CEP295: variants seen among roughly 807,000 people sequenced by gnomAD.
CEP295 encodes centrosomal protein 295, also known as centrosomal protein of 295 kDa.
In CEP295, 190 loss-of-function variants were observed where a neutral mutation model predicts 291.6. The observed-to-expected ratio is 0.65, with a 90% CI of 0.58 to 0.73. CEP295 has a LOEUF of 0.73. CEP295 is among the 30% of genes least tolerant of loss of function. The pLI, the probability that CEP295 is intolerant of heterozygous loss-of-function variation, is 0.00. For missense variants in CEP295, 2,863 were observed against 2,949.4 expected (o/e 0.97, Z 0.68); for synonymous variants, 993 against 1,038.8 (o/e 0.96, Z 0.85).
At position 93,667,651 on chromosome 11, in the gene CEP295, C is replaced by T; in HGVS notation, c.153C>T (p.Asp51=). 1 of 1,551,248 alleles carries T rather than the reference C, an allele frequency of 6.4e-7. No homozygotes were observed. The highest frequency in any genetic ancestry group is 8.7e-7 in the Non-Finnish European group (1 of 1,146,692). ...ATATCGCCTTACAGATAAGAGAAGA[C>T]ATAAAACAGAGGAGAAATCAACAAT... ...ERDIALQIRE[D]IKQRRNQQFT... The change falls in exon 3 of 30, where the codon GAC becomes GAT. Residue 51 remains aspartate, a synonymous_variant. Coordinates refer to ENST00000325212, the MANE Select transcript of CEP295 (RefSeq NM_033395.2).
rs559238885 is a variant in CEP295, at chr11:93,675,815, T to C, written c.624+149T>C. On this transcript the variant is annotated intron_variant, in intron 6 of 29. Coordinates refer to ENST00000325212, the MANE Select transcript of CEP295 (RefSeq NM_033395.2). ...ATCAAAACCTTTTAAATGCTTTGAA[T>C]TTTCATGTCAGGCATATGATGGTTT... The C allele has an allele frequency of 6.0e-5, 32 of 531,130 alleles. 1 individual carries two copies. In the East Asian group the frequency reaches 1.0e-3, roughly 17 times the overall value. 32.9% of individuals were successfully genotyped at this position (531,130 alleles called of 1,614,324 possible).
chr11:93,675,069 G>A (rs1190787527), intron 5 of CEP295, among the ~76,000 whole-genome samples: 5 of 152,112 alleles, frequency 3.3e-5, no homozygotes, highest in African/African-American at 4.8e-5. Flanking sequence ...GTTTTGTTCT[G>A]GAGTAAGTGT....
chr11:93,669,750 C>T lies in CEP295; in HGVS notation c.508C>T (p.Pro170Ser). Residue 170 changes from proline to serine, a missense_variant, in exon 5 of 30, where the codon CCT (proline) becomes TCT (serine). This residue lies in a region of CEP295 where 554 missense variants were observed against 576.0 expected (regional missense o/e 0.96). Coordinates refer to ENST00000325212, the MANE Select transcript of CEP295 (RefSeq NM_033395.2). ...AGCCAAAATTACAAGTCTGCCACCT[C>T]CTCCTCCAACTCTTTTTGAGGTGAG... ...RSAKITSLPPPPPTLFENIEV... is the reference protein window; with the variant it reads ...RSAKITSLPPSPPTLFENIEV... 6.5e-7 allele frequency: 1 copy of T among 1,550,114 alleles called. No individual in the cohort carries two copies. Among genetic ancestry groups the T allele is most frequent in the Non-Finnish European group, 8.7e-7 (1 of 1,145,750 alleles).
At position 93,667,741 on chromosome 11, in the gene CEP295, C is replaced by T; in HGVS notation, c.243C>T (p.Asn81=). The part of the protein sequence containing the change: ...WEESQTQKIQ[N]LEKLYLASLR... ...AATCACAAACTCAGAAAATACAGAA[C>T]TTGGAAAAACTGTATTTGGCAAGTT... Residue 81 remains asparagine, a synonymous_variant, in exon 3 of 30, where the codon AAC becomes AAT. Coordinates refer to ENST00000325212, the MANE Select transcript of CEP295 (RefSeq NM_033395.2). 1 of 1,551,318 alleles carries T rather than the reference C, an allele frequency of 6.4e-7. No individual in the cohort carries two copies. The highest frequency in any genetic ancestry group is 8.7e-7 in the Non-Finnish European group (1 of 1,146,822).
At chr11:93,684,219 A>T in intron 9 of CEP295, 91 bp downstream of exon 9, 1 of 1,092,900 alleles carries the variant, frequency 9.1e-7, no homozygotes, top group Non-Finnish European at 1.3e-6. Context: ...CTGGTCTGAT[A>T]TAAGTGCAAG....
chr11:93,695,252 A>G (rs1036464789), intron 12 of CEP295, among the ~76,000 whole-genome samples: 1 of 152,158 alleles, frequency 6.6e-6, no homozygotes, highest in African/African-American at 2.4e-5. Context: ...TAGTTAATGT[A>G]TTTATTCTTT....
chr11:93,728,460 C>G, intron 24 of CEP295: 1 of 423,848 alleles, frequency 2.4e-6, no homozygotes, highest in South Asian at 3.4e-5. Context: ...CACACTATTT[C>G]ATCCCCTCCC....
In CEP295 at chr11:93,668,811, C is replaced by A; in HGVS notation, c.313C>A (p.Pro105Thr). The change falls in exon 4 of 30, where the codon CCT becomes ACT. Residue 105 changes from proline (P) to threonine (T), a missense_variant. By Grantham distance (38) the Pro-to-Thr change is conservative. Coordinates refer to ENST00000325212, the MANE Select transcript of CEP295 (RefSeq NM_033395.2). ...EGHRQAKENEPDLDALAQRAA... is the reference protein window; with the variant it reads ...EGHRQAKENETDLDALAQRAA... Reference sequence around the variant, plus strand: ...TTTAAGTAATATATATTTTTAGGAACCTGATTTGGATGCTTTGGCACAGCG... The same window carrying A: ...TTTAAGTAATATATATTTTTAGGAAACTGATTTGGATGCTTTGGCACAGCG... 1 of 1,512,516 alleles carries A rather than the reference C, an allele frequency of 6.6e-7. No homozygotes were observed. The highest frequency in any genetic ancestry group is 8.8e-7 in the Non-Finnish European group (1 of 1,131,994). 93.7% of individuals were successfully genotyped at this position (1,512,516 alleles called of 1,614,324 possible). A position where few individuals can be genotyped will look rare whatever the true frequency, so the allele number is the denominator to read the frequency against.
At chr11:93,685,539 A>G (rs1223877116) in intron 9 of CEP295, among the ~76,000 whole-genome samples, 2 of 147,660 alleles carry the variant, frequency 1.4e-5, no homozygotes, top group African/African-American at 2.7e-5. Flanking sequence ...GCAACTGGGG[A>G]AAAAAAAGCA....
At position 93,696,850 on chromosome 11, in the gene CEP295, T is replaced by G. The variant is rs542975579; in HGVS notation, c.1938T>G (p.Asp646Glu). 76 of 1,551,714 alleles carry G rather than the reference T, an allele frequency of 4.9e-5. 1 individual carries two copies. In the East Asian group the frequency reaches 1.8e-3, roughly 36 times the overall value. ...CGACTGCTATATCAGAGCATTGGGA[T>G]CAAGGTCAGAGACTCAAGTTGAGTC... ...ERPTAISEHW[D>E]QGQRLKLSPN... The change falls in exon 15 of 30, where the codon GAT (aspartate) becomes GAG (glutamate). Residue 646 changes from aspartate (D) to glutamate (E), a missense_variant. Asp to Glu is a conservative substitution (Grantham distance 45, BLOSUM62 2). This residue lies in a region of CEP295 where 2,295 missense variants were observed against 2,335.7 expected (regional missense o/e 0.98). Transcript: ENST00000325212.
Position 93,726,109 on chromosome 11 carries a change from GTTTT to G in CEP295, c.6499+283_6499+286del, listed in dbSNP as rs562686998. ...CAGTTTAAGTATTATTTTTTTGTTT[GTTTT>G]TTTTGTTTTTGTTTTTGTTTTTATT... On this transcript the variant is annotated intron_variant, in intron 23 of 29. Coordinates refer to ENST00000325212, the MANE Select transcript of CEP295 (RefSeq NM_033395.2). Among the ~76,000 whole-genome samples, 754 of 151,604 alleles carry G rather than the reference GTTTT, an allele frequency of 5.0e-3. 10 individuals carry two copies. The highest frequency in any genetic ancestry group is 0.017 in the African/African-American group (693 of 41,324).
Position 93,687,743 on chromosome 11 carries a change from C to G in CEP295, c.1214C>G (p.Ser405Cys). 1 of 1,550,098 alleles carries G rather than the reference C, an allele frequency of 6.5e-7. No homozygotes were observed. Among genetic ancestry groups the G allele is most frequent in the Non-Finnish European group, 8.7e-7 (1 of 1,145,756 alleles). Residue 405 changes from serine (S) to cysteine (C), a missense_variant, in exon 10 of 30, where the codon TCT (serine) becomes TGT (cysteine). Around this residue, in one of 3 missense-constraint regions of CEP295, gnomAD observed 554 missense variants for 576.0 expected, o/e 0.96. Transcript: ENST00000325212. ...RSQKSLWTIK[S>C]MSEDESEMIT... is the part of the protein sequence containing the mutation. The stretch of plus-strand genomic sequence containing the variant: ...CAAAAATCTCTCTGGACAATTAAAT[C>G]TATGTCTGAGGATGAAAGTGAAATG...
In CEP295 at chr11:93,715,732, A is replaced by G. The variant is rs553943032; in HGVS notation, c.5750-5580A>G. ...TGCCAGGACTGGGTCCTTCCCTTGAAGGCAGCAGGTTCTCTTCTAGCCCAG... is the reference window on the plus strand; with the variant it reads ...TGCCAGGACTGGGTCCTTCCCTTGAGGGCAGCAGGTTCTCTTCTAGCCCAG... On this transcript the variant is annotated intron_variant, in intron 18 of 29. Transcript: ENST00000325212. Among the ~76,000 whole-genome samples, 18 of 152,158 alleles carry G rather than the reference A, an allele frequency of 1.2e-4. 1 individual carries two copies. In the South Asian group the frequency reaches 3.5e-3, roughly 30 times the overall value.
chr11:93,729,843 A>C, intron 27 of CEP295, 27 bp from the exon 28 acceptor site: 1 of 1,537,452 alleles, frequency 6.5e-7, no homozygotes, highest in African/African-American at 1.4e-5. Context: ...TTGTGTTTAC[A>C]ACTTGATTTC....
intron 22 of CEP295, among the ~76,000 whole-genome samples, chr11:93,725,250 A>G (rs1261712531): frequency 6.6e-6 from 1 of 152,106 alleles, no homozygotes; most frequent in African/African-American, 2.4e-5. Flanking sequence ...CCATCTCAAA[A>G]AAAAAAAAAG....
At chr11:93,672,446 A>G (rs899310250) in intron 5 of CEP295, among the ~76,000 whole-genome samples, 1 of 149,344 alleles carries the variant, frequency 6.7e-6, no homozygotes, top group Non-Finnish European at 1.5e-5. Flanking sequence ...GGATCTCACT[A>G]TGTTGCCCAG....
Position 93,727,548 on chromosome 11 carries a change from A to C in CEP295, c.7072A>C (p.Lys2358Gln), listed in dbSNP as rs749366021. The C allele has an allele frequency of 2.1e-5, 33 of 1,551,502 alleles. No homozygotes were observed. The highest frequency in any genetic ancestry group is 7.0e-6 in the Non-Finnish European group (8 of 1,146,958). The change falls in exon 24 of 30, where the codon AAA becomes CAA. Residue 2358 changes from lysine (K) to glutamine (Q), a missense_variant. Physicochemically the swap from Lys to Gln is moderately conservative, Grantham distance 53. Coordinates refer to ENST00000325212, the MANE Select transcript of CEP295 (RefSeq NM_033395.2). ...FENSAETDIP[K>Q]ITKKLSQLGE... ...GAATTCAGCTGAAACAGACATTCCA[A>C]AAATCACCAAAAAACTATCTCAACT...
chr11:93,726,163 T>C (rs149882667), intron 23 of CEP295, among the ~76,000 whole-genome samples: 40 of 152,198 alleles, frequency 2.6e-4, no homozygotes, highest in African/African-American at 9.4e-4. Context: ...TGAGTTTCAC[T>C]CTTGTTGCCC....
chr11:93,723,207 A>T lies in CEP295; in HGVS notation c.6114A>T (p.Thr2038=). Residue 2038 remains threonine (T), a synonymous_variant, in exon 21 of 30, where the codon ACA becomes ACT. Coordinates refer to ENST00000325212, the MANE Select transcript of CEP295 (RefSeq NM_033395.2). ...KSLLPAVDET[T]CGHTHFQQMI... is the part of the protein sequence containing the mutation. Reference sequence around the variant, plus strand: ...TGTTGCCTGCAGTGGATGAAACTACATGTGGTCACACACACTTTCAGCAAA... The same window carrying T: ...TGTTGCCTGCAGTGGATGAAACTACTTGTGGTCACACACACTTTCAGCAAA... 1 of 1,551,804 alleles carries T rather than the reference A, an allele frequency of 6.4e-7. No individual in the cohort carries two copies. Among genetic ancestry groups the T allele is most frequent in the Non-Finnish European group, 8.7e-7 (1 of 1,146,824 alleles).
Sources: gnomAD v4.1 joint callset for allele counts (sites outside exome capture counted in the v4.1 genomes callset) on GRCh38, gnomAD v4.1.1 for gene constraint, gnomAD v4.1.1 regional missense constraint, MANE v1.5 for transcripts, NCBI Gene and HGNC (gene_info 2026-07-23, HGNC 2026-07-21) for gene names.